The following SSBP3 variants were observed in gnomAD, a reference collection of about 807,000 sequenced individuals.
SSBP3 encodes single stranded DNA binding protein 3, also known as single-stranded DNA-binding protein 3.
In SSBP3, 5 loss-of-function variants were observed where a neutral mutation model predicts 69.6. The observed-to-expected ratio is 0.07, with a 90% CI of 0.04 to 0.15. SSBP3 has a LOEUF of 0.15. Ranked by LOEUF, SSBP3 falls within the 10% of genes least tolerant of loss-of-function variation. The pLI is 1.00. For synonymous variants in SSBP3, 196 were observed against 193.4 expected (o/e 1.01, Z -0.11); for missense variants, 312 against 534.0 (o/e 0.58, Z 4.10).
At chr1:54,248,092 A>G (rs1203828660) in intron 9 of SSBP3, among the ~76,000 whole-genome samples, 1 of 152,228 alleles carries the variant, frequency 6.6e-6, no homozygotes, top group East Asian at 1.9e-4. Context: ...AAGTAGCCCT[A>G]TGACCGACCA....
At chr1:54,264,015 C>T (rs765890859) in intron 5 of SSBP3, among the ~76,000 whole-genome samples, 5 of 152,120 alleles carry the variant, frequency 3.3e-5, no homozygotes, top group East Asian at 1.9e-4. Context: ...AAAAGCAAAA[C>T]GAACAGGCTG....
chr1:54,337,261 C>G (rs964629484), intron 4 of SSBP3, among the ~76,000 whole-genome samples: 1 of 152,152 alleles, frequency 6.6e-6, no homozygotes. Context: ...CCATCCCAGC[C>G]TCACACACAC....
chr1:54,310,003 G>A (rs1220108801), intron 4 of SSBP3, among the ~76,000 whole-genome samples: 1 of 152,176 alleles, frequency 6.6e-6, no homozygotes, highest in African/African-American at 2.4e-5. Context: ...GGAAGCCCGG[G>A]CAGGCTCCTT....
At chr1:54,371,356 A>G (rs545516699) in intron 4 of SSBP3, among the ~76,000 whole-genome samples, 5 of 152,342 alleles carry the variant, frequency 3.3e-5, no homozygotes, top group Admixed American at 3.3e-4. Flanking sequence ...GCGTGTGTGG[A>G]TGCCATGTGT....
chr1:54,325,287 C>T (rs1646280857), intron 4 of SSBP3: 1 of 166,574 alleles, frequency 6.0e-6, no homozygotes, highest in Admixed American at 6.5e-5. Flanking sequence ...CTAGCTGCCC[C>T]TTTCTCTGAG....
chr1:54,403,197 CTGAGA>C (rs1345804110), intron 3 of SSBP3, among the ~76,000 whole-genome samples: 1 of 152,164 alleles, frequency 6.6e-6, no homozygotes, highest in Non-Finnish European at 1.5e-5. Context: ...GTTCCTGCGG[CTGAGA>C]TAAGGATGGA....
At chr1:54,381,731 A>G (rs1647670490) in intron 4 of SSBP3, among the ~76,000 whole-genome samples, 1 of 152,240 alleles carries the variant, frequency 6.6e-6, no homozygotes, top group Admixed American at 6.5e-5. Context: ...GGTGAGTCCA[A>G]GCAACAAGTC....
At chr1:54,272,314 C>T (rs2100824422) in intron 5 of SSBP3, among the ~76,000 whole-genome samples, 1 of 152,186 alleles carries the variant, frequency 6.6e-6, no homozygotes, top group African/African-American at 2.4e-5. Context: ...TGCCTGGGCC[C>T]AGAGCCCAGC....
intron 11 of SSBP3, 76 bp from the exon 12 acceptor site, chr1:54,241,585 G>C: frequency 1.3e-6 from 2 of 1,487,598 alleles, no homozygotes; most frequent in Middle Eastern, 2.2e-4. Flanking sequence ...CTGAGGACAC[G>C]ACCCACTCTT....
chr1:54,259,779 G>A (rs1203594662), intron 5 of SSBP3, among the ~76,000 whole-genome samples: 2 of 152,210 alleles, frequency 1.3e-5, no homozygotes, highest in African/African-American at 2.4e-5. Context: ...GTGAGGCCTG[G>A]GAGTTTCTTG....
intron 5 of SSBP3, among the ~76,000 whole-genome samples, chr1:54,260,528 C>T (rs1020385144): frequency 2.0e-5 from 3 of 152,238 alleles, no homozygotes; most frequent in African/African-American, 2.4e-5. Context: ...GTGCTCCAAC[C>T]GGGGTCTGCT....
At position 54,366,612 on chromosome 1, in the gene SSBP3, C is replaced by T. The variant is rs1052528373; in HGVS notation, c.276+35249G>A. 5.3e-5 allele frequency among the ~76,000 whole-genome samples: 8 copies of T among 152,298 alleles called. No individual in the cohort carries two copies. In the Middle Eastern group the frequency reaches 0.01, roughly 194 times the overall value. ...AAAGGTCTAGAAGGACATCCTCCAA[C>T]TAGTTATACCTGGTACCAGGATGCA... On this transcript the variant is annotated intron_variant, in intron 4 of 17. Transcript: ENST00000610401.
intron 13 of SSBP3, among the ~76,000 whole-genome samples, chr1:54,240,105 C>A: frequency 1.0e-4 from 1 of 9,810 alleles, no homozygotes; most frequent in African/African-American, 2.6e-4. Context: ...CGCGCGTGTG[C>A]GTGCGCGCGC....
At chr1:54,406,341 C>T (rs544011304) in exon 1 of SSBP3, 16 of 158,182 alleles carry the variant, frequency 1.0e-4, no homozygotes, top group Non-Finnish European at 2.0e-4. Context: ...CCTGCGCCGC[C>T]CTCTGCGCCT....
chr1:54,235,386 A>T lies in SSBP3; in HGVS notation c.927+3743T>A, dbSNP rs895111094. Reference sequence around the variant, plus strand: ...AACCTCCACCTCCCAGGTTCAAGCGATTCTCCTGACTCAGCCTCCTGAGTA... The same window carrying T: ...AACCTCCACCTCCCAGGTTCAAGCGTTTCTCCTGACTCAGCCTCCTGAGTA... On this transcript the variant is annotated intron_variant, in intron 14 of 17. Coordinates refer to ENST00000610401, the Ensembl canonical transcript of SSBP3. Among the ~76,000 whole-genome samples, 4 of 142,246 alleles carry T rather than the reference A, an allele frequency of 2.8e-5. No individual in the cohort carries two copies. In the South Asian group the frequency reaches 6.9e-4, roughly 24 times the overall value. 93.3% of individuals were successfully genotyped at this position (142,246 alleles called of 152,430 possible).
intron 14 of SSBP3, among the ~76,000 whole-genome samples, chr1:54,234,768 G>GA (rs57587408): frequency 0.097 from 13,365 of 138,310 alleles, 707 homozygotes; most frequent in South Asian, 0.18. Flanking sequence ...TTTTATAAAA[G>GA]AAAAAAAAAA....
chr1:54,238,423 A>G (rs1213116317), intron 14 of SSBP3: 1 of 424,434 alleles, frequency 2.4e-6, no homozygotes, highest in Non-Finnish European at 4.9e-6. Context: ...ATGGAGGAGG[A>G]AGGGAAGGAA....
At chr1:54,233,263 C>A (rs1644415420) in intron 14 of SSBP3, among the ~76,000 whole-genome samples, 1 of 151,622 alleles carries the variant, frequency 6.6e-6, no homozygotes, top group African/African-American at 2.4e-5. Flanking sequence ...GCGCCTCTGC[C>A]CGGCCGCGAC....
At chr1:54,251,514 CG>C in intron 9 of SSBP3, 101 bp downstream of exon 9, 1 of 1,276,586 alleles carries the variant, frequency 7.8e-7, no homozygotes, top group East Asian at 2.5e-5. Flanking sequence ...CTCACCCCTG[CG>C]AACTGAGAGA....
Sources: allele counts gnomAD v4.1 joint callset (sites outside exome capture counted in the v4.1 genomes callset), GRCh38; gene constraint gnomAD v4.1.1; transcripts MANE v1.5; gene names NCBI Gene and HGNC (gene_info 2026-07-23, HGNC 2026-07-21).